The following MAPKBP1 variants were observed in gnomAD, a reference collection of about 807,000 sequenced individuals.
The protein encoded by MAPKBP1 is mitogen-activated protein kinase-binding protein 1.
MAPKBP1 carries 71 observed loss-of-function variants against 170.5 expected under a neutral mutation model. The ratio of observed to expected loss-of-function variants is 0.42; its 90% CI spans 0.34 to 0.51. The LOEUF (loss-of-function observed/expected upper bound fraction) is 0.51, where lower values mean the gene tolerates loss of function less well. Among genes scored for constraint, MAPKBP1 ranks in the 20% least tolerant of loss-of-function variants. The probability of loss-of-function intolerance (pLI) is 0.06; values close to 1 mark genes in which losing one functional copy is unlikely to be tolerated. For missense variants in MAPKBP1, 1,598 were observed against 1,933.0 expected, an observed-to-expected ratio of 0.83 and a Z score of 3.25; for synonymous variants, 719 against 757.9, an observed-to-expected ratio of 0.95 and a Z score of 0.84.
chr15:41,811,213 G>A lies in MAPKBP1; in HGVS notation c.305G>A (p.Gly102Asp), dbSNP rs765034175. The A allele has an allele frequency of 6.2e-7, 1 of 1,614,250 alleles. No individual in the cohort carries two copies. The highest frequency in any genetic ancestry group is 8.5e-7 in the Non-Finnish European group (1 of 1,180,054). The change falls in exon 5 of 31, where the codon GGC becomes GAC. Residue 102 changes from glycine to aspartate, a missense_variant. Gly to Asp is a moderately conservative substitution (Grantham distance 94). This residue lies in a region of MAPKBP1 where 151 missense variants were observed against 191.4 expected (regional missense o/e 0.79). Coordinates refer to ENST00000457542, the MANE Select transcript of MAPKBP1 (RefSeq NM_014994.3). ...TITALAFSPD[G>D]KYLVTGESGH... is the part of the protein sequence containing the mutation. ...ACTGCCCTTGCCTTCTCCCCTGATGGCAAGTACTTGGTCACTGGAGAGGTG... is the reference window on the plus strand; with the variant it reads ...ACTGCCCTTGCCTTCTCCCCTGATGACAAGTACTTGGTCACTGGAGAGGTG...
rs1341482421 is a variant in MAPKBP1, at chr15:41,822,121, A to G, written c.3031+11A>G. 1.4e-6 allele frequency: 2 copies of G among 1,459,018 alleles called. No homozygotes were observed. The highest frequency in any genetic ancestry group is 3.6e-5 in the Admixed American group (2 of 55,092). 90.4% of individuals were successfully genotyped at this position (1,459,018 alleles called of 1,614,324 possible). On this transcript the variant is annotated intron_variant, in intron 25 of 30. Coordinates refer to ENST00000457542, the MANE Select transcript of MAPKBP1 (RefSeq NM_014994.3). ...AGCACCCCACTGAAGGTGAGGCTGT[A>G]GCCTGGAGGGAGGGGCCATGGGGGG...
chr15:41,817,044 AG>A lies in MAPKBP1; in HGVS notation c.1711+12del. 6.4e-7 allele frequency: 1 copy of A among 1,573,348 alleles called. No individual in the cohort carries two copies. Among genetic ancestry groups the A allele is most frequent in the Non-Finnish European group, 8.7e-7 (1 of 1,155,722 alleles). On this transcript the variant is annotated intron_variant, in intron 14 of 30. Transcript: ENST00000457542. The surrounding 1 kb of genome is among the most constrained non-coding windows in gnomAD (Gnocchi z 4.2). ...TGCTGTTAAGTTTGCAGGTGCGGGC[AG>A]GGTGAATGAGACACATCCTGCCACT...
chr15:41,775,269 C>G lies in MAPKBP1; in HGVS notation c.-7C>G. ...CCGGGGACTGTCCCAAAGGGTTTCT[C>G]GTCATAATGGCTGTGGAAGGGTCAA... On this transcript the variant is annotated 5_prime_UTR_variant, in exon 2 of 31. Transcript: ENST00000457542. 2 of 1,611,322 alleles carry G rather than the reference C, an allele frequency of 1.2e-6. No homozygotes were observed. Among genetic ancestry groups the G allele is most frequent in the Non-Finnish European group, 1.7e-6 (2 of 1,177,496 alleles).
At position 41,821,594 on chromosome 15, in the gene MAPKBP1, C is replaced by A; in HGVS notation, c.2729C>A (p.Pro910His). The A allele has an allele frequency of 1.9e-6, 3 of 1,613,636 alleles. No individual in the cohort carries two copies. The highest frequency in any genetic ancestry group is 2.5e-6 in the Non-Finnish European group (3 of 1,179,888). The change falls in exon 24 of 31, where the codon CCC becomes CAC. Residue 910 changes from proline to histidine, a missense_variant. Transcript: ENST00000457542. ...TTTGTGTGTTCCCAGAATGAAAAGCCCCCTCGGCCTCAGGCTTCCCAACCT... is the reference window on the plus strand; with the variant it reads ...TTTGTGTGTTCCCAGAATGAAAAGCACCCTCGGCCTCAGGCTTCCCAACCT... The part of the protein sequence containing the change: ...ETSLTSQNEK[P>H]PRPQASQPCS...
intron 3 of MAPKBP1, among the ~76,000 whole-genome samples, chr15:41,803,724 C>A (rs555923352): frequency 6.6e-6 from 1 of 150,978 alleles, no homozygotes; most frequent in African/African-American, 2.4e-5. Context: ...CTTAAAAAAA[C>A]CAAAAGGGTT....
At chr15:41,799,668 G>C (rs2064556132) in intron 2 of MAPKBP1, among the ~76,000 whole-genome samples, 155 bp from the exon 3 acceptor site, 2 of 152,202 alleles carry the variant, frequency 1.3e-5, no homozygotes, top group South Asian at 4.1e-4. Flanking sequence ...CCGGTGGGCA[G>C]AACAGAAGAA....
chr15:41,777,652 CTA>C (rs1203933633), intron 2 of MAPKBP1, among the ~76,000 whole-genome samples: 1 of 152,122 alleles, frequency 6.6e-6, no homozygotes, highest in Non-Finnish European at 1.5e-5. Flanking sequence ...GCCCAGGACC[CTA>C]GAGATGCCAG....
chr15:41,789,547 G>A (rs578087043), intron 2 of MAPKBP1, among the ~76,000 whole-genome samples: 2 of 152,104 alleles, frequency 1.3e-5, no homozygotes, highest in South Asian at 2.1e-4. Flanking sequence ...ATCTGCATAC[G>A]AAATCAGCTT....
At chr15:41,790,304 C>T (rs1055326098) in intron 2 of MAPKBP1, among the ~76,000 whole-genome samples, 8 of 152,216 alleles carry the variant, frequency 5.3e-5, no homozygotes, top group African/African-American at 1.9e-4. Context: ...ATTAGAACCA[C>T]CTGGAGAGCT....
chr15:41,787,293 A>T lies in MAPKBP1; in HGVS notation c.114+11904A>T, dbSNP rs553415762. 2.6e-5 allele frequency among the ~76,000 whole-genome samples: 4 copies of T among 152,226 alleles called. No homozygotes were observed. In the East Asian group the frequency reaches 7.7e-4, roughly 29 times the overall value. On this transcript the variant is annotated intron_variant, in intron 2 of 30. Coordinates refer to ENST00000457542, the MANE Select transcript of MAPKBP1 (RefSeq NM_014994.3). Reference sequence around the variant, plus strand: ...TTATCCATAATTCCAGCACCTAGAGATAACACTGTTCTGATTATCAAGGGC... The same window carrying T: ...TTATCCATAATTCCAGCACCTAGAGTTAACACTGTTCTGATTATCAAGGGC...
chr15:41,811,225 T>G lies in MAPKBP1; in HGVS notation c.317T>G (p.Val106Gly). The stretch of plus-strand genomic sequence containing the variant: ...TTCTCCCCTGATGGCAAGTACTTGG[T>G]CACTGGAGAGGTGAGTGAGGAAGAG... ...LAFSPDGKYL[V>G]TGESGHMPAV... Residue 106 changes from valine (V) to glycine (G), a missense_variant, in exon 5 of 31, where the codon GTC becomes GGC. Coordinates refer to ENST00000457542, the MANE Select transcript of MAPKBP1 (RefSeq NM_014994.3). 1 of 1,614,232 alleles carries G rather than the reference T, an allele frequency of 6.2e-7. No homozygotes were observed. Among genetic ancestry groups the G allele is most frequent in the African/African-American group, 1.3e-5 (1 of 75,054 alleles).
At chr15:41,821,147 A>G in intron 23 of MAPKBP1, 79 bp downstream of exon 23, 1 of 1,320,444 alleles carries the variant, frequency 7.6e-7, no homozygotes, top group Non-Finnish European at 1.1e-6. Context: ...GGACCTGAGC[A>G]CTGGTCCAGC....
intron 29 of MAPKBP1, 119 bp downstream of exon 29, chr15:41,824,180 C>A: frequency 7.3e-7 from 1 of 1,372,762 alleles, no homozygotes; most frequent in South Asian, 1.4e-5. Flanking sequence ...CTTGTCCTGT[C>A]TGCTCCTGTC....
intron 2 of MAPKBP1, among the ~76,000 whole-genome samples, chr15:41,792,278 G>T (rs939390739): frequency 2.0e-5 from 3 of 151,730 alleles, no homozygotes; most frequent in Non-Finnish European, 4.4e-5. Flanking sequence ...GATTTTGCTG[G>T]CCCTCTTTCT....
At chr15:41,778,289 C>A (rs2064129866) in intron 2 of MAPKBP1, among the ~76,000 whole-genome samples, 1 of 152,146 alleles carries the variant, frequency 6.6e-6, no homozygotes, top group Admixed American at 6.5e-5. Flanking sequence ...GAGATCAAAA[C>A]TACGATTAAT....
intron 2 of MAPKBP1, among the ~76,000 whole-genome samples, chr15:41,780,982 C>T (rs1382519341): frequency 6.6e-6 from 1 of 152,032 alleles, no homozygotes; most frequent in Non-Finnish European, 1.5e-5. Context: ...AATGAGTTTA[C>T]AGTATGGATA....
In MAPKBP1 at chr15:41,824,030, C is replaced by G; in HGVS notation, c.4182C>G (p.Thr1394=). Residue 1394 remains threonine, a synonymous_variant, in exon 29 of 31, where the codon ACC becomes ACG. Transcript: ENST00000457542. ...AGACTCCCAACCCCATGGAATGCAC[C>G]AAGCCAGGGGCAGCCCTGAGCCAGG... The part of the protein sequence containing the change: ...PEKTPNPMEC[T]KPGAALSQDS... The G allele has an allele frequency of 6.2e-7, 1 of 1,608,928 alleles. No individual in the cohort carries two copies. The highest frequency in any genetic ancestry group is 8.5e-7 in the Non-Finnish European group (1 of 1,179,670).
chr15:41,793,007 G>C (rs1229715318), intron 2 of MAPKBP1, among the ~76,000 whole-genome samples: 1 of 151,986 alleles, frequency 6.6e-6, no homozygotes, highest in East Asian at 1.9e-4. Context: ...ATATCCAAAT[G>C]AGGCTAGGTT....
chr15:41,816,433 C>A (rs777217301), intron 12 of MAPKBP1, 126 bp from the exon 13 acceptor site: 1 of 632,022 alleles, frequency 1.6e-6, no homozygotes, highest in Non-Finnish European at 2.8e-6. Flanking sequence ...GTTCTTTCAG[C>A]AACTTTTCTC....
Sources: gnomAD v4.1 joint callset for allele counts (sites outside exome capture counted in the v4.1 genomes callset) on GRCh38, gnomAD v4.1.1 for gene constraint, gnomAD v4.1.1 regional missense constraint, Gnocchi (gnomAD v3.1) non-coding constraint, MANE v1.5 for transcripts, NCBI Gene and HGNC (gene_info 2026-07-23, HGNC 2026-07-21) for gene names.